Variants in FRMD4A observed in about 807,000 individuals in gnomAD.
FRMD4A encodes FERM domain containing 4A.
A neutral mutation model predicts 129.1 loss-of-function variants in FRMD4A; 29 were observed. That is an observed-to-expected ratio of 0.22 (90% CI 0.17 to 0.31). FRMD4A has a LOEUF of 0.31. Among genes scored for constraint, FRMD4A ranks in the 10% least tolerant of loss-of-function variants. The pLI, the probability that FRMD4A is intolerant of heterozygous loss-of-function variation, is 1.00. For synonymous variants in FRMD4A, 634 were observed against 571.6 expected (o/e 1.11, Z -1.56); for missense variants, 1,272 against 1,375.8 (o/e 0.92, Z 1.19).
rs1835699362 is a variant in FRMD4A, at chr10:14,077,830, C to T, written c.46-218918G>A. On this transcript the variant is annotated intron_variant, in intron 2 of 24. Transcript: ENST00000357447. ...ATCTTCTGAAATACTGAGAAATAGT[C>T]CCATTCTCATATAGGCTTAACATCC... Among the ~76,000 whole-genome samples the T allele has an allele frequency of 2.0e-5, 3 of 152,290 alleles. No homozygotes were observed. In the South Asian group the frequency reaches 6.2e-4, roughly 32 times the overall value.
intron 2 of FRMD4A, among the ~76,000 whole-genome samples, chr10:14,154,025 G>T (rs1015742608): frequency 6.6e-6 from 1 of 152,004 alleles, no homozygotes; most frequent in African/African-American, 2.4e-5. Context: ...TCCCCTGCTT[G>T]GCCTCTTAGC....
intron 19 of FRMD4A, among the ~76,000 whole-genome samples, chr10:13,660,814 G>A (rs2082583833): frequency 6.6e-6 from 1 of 152,200 alleles, no homozygotes; most frequent in Admixed American, 6.5e-5. Context: ...AGACACGAAT[G>A]GAGTGAAGTC....
chr10:14,010,514 G>C (rs2095677763), intron 2 of FRMD4A, among the ~76,000 whole-genome samples: 1 of 151,996 alleles, frequency 6.6e-6, no homozygotes, highest in African/African-American at 2.4e-5. Flanking sequence ...CCAGATAATG[G>C]AGCCCTCCCC....
intron 8 of FRMD4A, among the ~76,000 whole-genome samples, chr10:13,749,648 T>G (rs1431679824): frequency 6.6e-6 from 1 of 152,056 alleles, no homozygotes; most frequent in Non-Finnish European, 1.5e-5. Flanking sequence ...ACATGGAGGT[T>G]TGGTGACATT....
intron 6 of FRMD4A, among the ~76,000 whole-genome samples, chr10:13,782,344 A>T (rs906335438): frequency 2.6e-5 from 4 of 152,132 alleles, no homozygotes; most frequent in Admixed American, 1.3e-4. Context: ...AGAAATCTTT[A>T]AAATCAGGAG....
intron 4 of FRMD4A, among the ~76,000 whole-genome samples, chr10:13,807,543 G>A (rs2093376090): frequency 7.0e-6 from 1 of 143,824 alleles, no homozygotes; most frequent in Non-Finnish European, 1.5e-5. Flanking sequence ...CATTAATGCT[G>A]CAAAACTGTT....
At chr10:14,097,591 G>C (rs1182466292) in intron 2 of FRMD4A, among the ~76,000 whole-genome samples, 1 of 152,102 alleles carries the variant, frequency 6.6e-6, no homozygotes, top group Non-Finnish European at 1.5e-5. Flanking sequence ...TGGACTGTTG[G>C]ATTCCAAATT....
chr10:13,749,847 T>C (rs1480271703), intron 8 of FRMD4A, among the ~76,000 whole-genome samples: 1 of 151,382 alleles, frequency 6.6e-6, no homozygotes, highest in Non-Finnish European at 1.5e-5. Flanking sequence ...AAATTAGCCA[T>C]GCACAGTGAT....
At chr10:13,691,359 T>C (rs965507598) in intron 15 of FRMD4A, among the ~76,000 whole-genome samples, 5 of 152,168 alleles carry the variant, frequency 3.3e-5, no homozygotes, top group African/African-American at 1.2e-4. Flanking sequence ...CACAGCCTCA[T>C]CTATAGCTGC....
intron 2 of FRMD4A, among the ~76,000 whole-genome samples, chr10:14,051,724 C>G (rs78868843): frequency 0.035 from 5,256 of 152,230 alleles, 283 homozygotes; most frequent in African/African-American, 0.12. Flanking sequence ...CGTGGGCAGC[C>G]TAGTCTGGCA....
intron 2 of FRMD4A, among the ~76,000 whole-genome samples, chr10:14,084,628 C>T (rs564253249): frequency 2.6e-5 from 4 of 152,288 alleles, no homozygotes; most frequent in African/African-American, 7.2e-5. Flanking sequence ...GCAAACCAAC[C>T]GGTTCAGAGT....
At chr10:13,734,936 C>G (rs887158529) in intron 12 of FRMD4A, among the ~76,000 whole-genome samples, 1 of 151,846 alleles carries the variant, frequency 6.6e-6, no homozygotes, top group African/African-American at 2.4e-5. Flanking sequence ...CGCAGTGGTG[C>G]GATCTCAGCT....
rs769552010 is a variant in FRMD4A at position 13,657,516 on chromosome 10, C to T, written c.2073G>A (p.Val691=). ...TGTGCAGTCGGGTGGGGCTGATGTC[C>T]ACCGACCTGCCGGGAGACGACCCGG... ...SPHYVHSTRS[V]DISPTRLHSL... is the part of the protein sequence containing the mutation. Residue 691 remains valine, a synonymous_variant, in exon 22 of 25, where the codon GTG becomes GTA. Transcript: ENST00000357447. The T allele has an allele frequency of 5.1e-6, 8 of 1,582,906 alleles. No individual in the cohort carries two copies. The Admixed American group carries it at 5.1e-5, about 10-fold the overall frequency.
chr10:14,285,751 TC>T (rs1845661514), intron 2 of FRMD4A, among the ~76,000 whole-genome samples: 1 of 152,254 alleles, frequency 6.6e-6, no homozygotes, highest in Non-Finnish European at 1.5e-5. Flanking sequence ...CTTGTTGACT[TC>T]CTTCCCCTTT....
intron 2 of FRMD4A, among the ~76,000 whole-genome samples, chr10:14,158,625 T>TA (rs200238269): frequency 0.023 from 2,576 of 112,140 alleles, 33 homozygotes; most frequent in Non-Finnish European, 0.038. Context: ...CAAAAATAAA[T>TA]AAAAAAAAAG....
intron 2 of FRMD4A, among the ~76,000 whole-genome samples, chr10:14,113,428 T>C (rs1430921308): frequency 1.3e-5 from 2 of 152,210 alleles, no homozygotes; most frequent in Non-Finnish European, 2.9e-5. Flanking sequence ...TTTTCTTTTC[T>C]CTAGCTTACT....
rs538444958 is a variant in FRMD4A, at chr10:13,659,004, G to A, written c.2066+319C>T. The stretch of plus-strand genomic sequence containing the variant: ...TAAAGGAAGTCCAGTATAAATTTAG[G>A]CCTCAGTAGAAAGATAGAAGACCTC... On this transcript the variant is annotated intron_variant, in intron 21 of 24. Transcript: ENST00000357447. Among the ~76,000 whole-genome samples the A allele has an allele frequency of 2.0e-5, 3 of 151,972 alleles. No individual in the cohort carries two copies. In the South Asian group the frequency reaches 6.2e-4, roughly 32 times the overall value.
chr10:13,874,096 A>G (rs141889519), intron 2 of FRMD4A, among the ~76,000 whole-genome samples: 2 of 151,362 alleles, frequency 1.3e-5, no homozygotes, highest in Non-Finnish European at 2.9e-5. Context: ...AAATACAAAA[A>G]TTAGCTGGGC....
At chr10:13,899,700 G>C (rs924407575) in intron 2 of FRMD4A, among the ~76,000 whole-genome samples, 1 of 152,186 alleles carries the variant, frequency 6.6e-6, no homozygotes, top group African/African-American at 2.4e-5. Flanking sequence ...TGCCTGAGGG[G>C]ACTCTGCTGA....
Sources: allele counts gnomAD v4.1 joint callset (sites outside exome capture counted in the v4.1 genomes callset), GRCh38; gene constraint gnomAD v4.1.1; transcripts MANE v1.5; gene names NCBI Gene and HGNC (gene_info 2026-07-23, HGNC 2026-07-21).